GRID2: variants seen among roughly 807,000 people sequenced by gnomAD.
GRID2 encodes glutamate receptor ionotropic, delta-2.
A neutral mutation model predicts 114.8 loss-of-function variants in GRID2; 33 were observed. That is an observed-to-expected ratio of 0.29 (90% CI 0.22 to 0.38). GRID2 has a LOEUF of 0.38. Ranked by LOEUF, GRID2 falls within the 10% of genes least tolerant of loss-of-function variation. GRID2 has a pLI of 1.00. For missense variants in GRID2, 1,184 were observed against 1,257.7 expected, an observed-to-expected ratio of 0.94 and a Z score of 0.89; for synonymous variants, 505 against 449.9, an observed-to-expected ratio of 1.12 and a Z score of -1.55.
rs1316198930 is a variant in GRID2, at chr4:92,935,558, T to A, written c.245-149437T>A. On this transcript the variant is annotated intron_variant, in intron 2 of 15. Coordinates refer to ENST00000282020, the MANE Select transcript of GRID2 (RefSeq NM_001510.4). Reference sequence around the variant, plus strand: ...GGGTATATACCCAAAGGACTATAAATCATGCTGCTATAAAAACACACACAC... The same window carrying A: ...GGGTATATACCCAAAGGACTATAAAACATGCTGCTATAAAAACACACACAC... 1.4e-5 allele frequency among the ~76,000 whole-genome samples: 2 copies of A among 146,788 alleles called. 1 individual carries two copies. Among genetic ancestry groups the A allele is most frequent in the Non-Finnish European group, 3.0e-5 (2 of 66,382 alleles).
At chr4:92,972,166 T>C (rs1005070000) in intron 2 of GRID2, among the ~76,000 whole-genome samples, 2 of 151,992 alleles carry the variant, frequency 1.3e-5, no homozygotes, top group Non-Finnish European at 2.9e-5. Context: ...TTGTCAACAG[T>C]GTATAAGATT....
intron 2 of GRID2, among the ~76,000 whole-genome samples, chr4:92,882,969 T>C (rs1746127675): frequency 6.6e-6 from 1 of 152,182 alleles, no homozygotes; most frequent in African/African-American, 2.4e-5. Flanking sequence ...CTGTGGCAAT[T>C]TCTTATAATA....
intron 14 of GRID2, among the ~76,000 whole-genome samples, chr4:93,690,404 T>G (rs1231046136): frequency 6.6e-6 from 1 of 151,944 alleles, no homozygotes; most frequent in African/African-American, 2.4e-5. Flanking sequence ...TTTAAATAAT[T>G]TAAAATAACA....
rs561763778 is a variant in GRID2, at chr4:93,558,085, G to A, written c.2193+42674G>A. Among the ~76,000 whole-genome samples the A allele has an allele frequency of 3.9e-5, 6 of 152,264 alleles. No individual in the cohort carries two copies. The South Asian group carries it at 1.0e-3, about 26-fold the overall frequency. On this transcript the variant is annotated intron_variant, in intron 13 of 15. Transcript: ENST00000282020. The stretch of plus-strand genomic sequence containing the variant: ...CCAGAATACGTAGGACACAGCTAAA[G>A]CAGTGTTTAGAGGGAAATTTATAGC...
At chr4:92,707,323 C>A (rs1184039090) in intron 2 of GRID2, among the ~76,000 whole-genome samples, 2 of 152,178 alleles carry the variant, frequency 1.3e-5, no homozygotes, top group Non-Finnish European at 2.9e-5. Context: ...ATTCTGAAAA[C>A]ACTCTTGACA....
intron 1 of GRID2, among the ~76,000 whole-genome samples, chr4:92,341,673 C>A (rs1000920503): frequency 6.6e-6 from 1 of 152,012 alleles, no homozygotes; most frequent in African/African-American, 2.4e-5. Flanking sequence ...GTAATCCCAG[C>A]ACTTTGGGAG....
intron 8 of GRID2, among the ~76,000 whole-genome samples, chr4:93,297,370 G>A (rs1754419846): frequency 6.6e-6 from 1 of 151,950 alleles, no homozygotes. Context: ...ATTTTTAACT[G>A]GCATATATAT....
At chr4:93,520,390 T>C (rs889570846) in intron 13 of GRID2, among the ~76,000 whole-genome samples, 1 of 148,810 alleles carries the variant, frequency 6.7e-6, no homozygotes, top group African/African-American at 2.5e-5. Flanking sequence ...CATTGGGAGG[T>C]TGGGAAATAC....
intron 2 of GRID2, among the ~76,000 whole-genome samples, chr4:92,804,902 T>C (rs1320855781): frequency 6.6e-6 from 1 of 152,048 alleles, no homozygotes; most frequent in Non-Finnish European, 1.5e-5. Flanking sequence ...GCATTTAAGA[T>C]GAAAAATTGA....
At chr4:92,922,168 G>A (rs1034928781) in intron 2 of GRID2, among the ~76,000 whole-genome samples, 1 of 152,164 alleles carries the variant, frequency 6.6e-6, no homozygotes, top group Admixed American at 6.5e-5. Context: ...ATAATCTCGT[G>A]GTGTGCCGCT....
intron 2 of GRID2, among the ~76,000 whole-genome samples, chr4:92,705,702 A>G (rs531825618): frequency 5.3e-5 from 8 of 152,116 alleles, no homozygotes; most frequent in Middle Eastern, 3.2e-3. Context: ...CAGCTATTAC[A>G]TTTTCAATCA....
intron 2 of GRID2, among the ~76,000 whole-genome samples, chr4:92,886,688 C>G (rs1039215675): frequency 6.6e-6 from 1 of 152,100 alleles, no homozygotes; most frequent in Non-Finnish European, 1.5e-5. Context: ...CGCAGCGGAG[C>G]GATTTAGGCT....
At chr4:92,440,254 G>T (rs1483867334) in intron 1 of GRID2, among the ~76,000 whole-genome samples, 1 of 146,172 alleles carries the variant, frequency 6.8e-6, no homozygotes, top group Non-Finnish European at 1.5e-5. Context: ...AATACTAAGA[G>T]CCTGAAAAAC....
chr4:92,609,502 G>A (rs1729619970), intron 2 of GRID2, among the ~76,000 whole-genome samples: 1 of 151,430 alleles, frequency 6.6e-6, no homozygotes, highest in South Asian at 2.1e-4. Context: ...AAATAAAGTG[G>A]TCAGGAAAAT....
chr4:93,685,931 G>C (rs1033200734), intron 14 of GRID2, among the ~76,000 whole-genome samples: 1 of 152,034 alleles, frequency 6.6e-6, no homozygotes, highest in Non-Finnish European at 1.5e-5. Context: ...ACACAGGGGA[G>C]AGAGGCTGTG....
At chr4:93,297,298 A>G (rs1754411739) in intron 8 of GRID2, among the ~76,000 whole-genome samples, 1 of 152,236 alleles carries the variant, frequency 6.6e-6, no homozygotes, top group Admixed American at 6.5e-5. Flanking sequence ...AAAATTACCG[A>G]TAAGACCTTT....
rs568423072 is a variant in GRID2 at position 92,444,563 on chromosome 4, T to G, written c.88+139819T>G. ...GGTGGGGCAGGGCATATTCACTTCT[T>G]TTGTGATTCTTCAGTTACTTTAGGC... On this transcript the variant is annotated intron_variant, in intron 1 of 15. Transcript: ENST00000282020. Among the ~76,000 whole-genome samples, 4 of 152,280 alleles carry G rather than the reference T, an allele frequency of 2.6e-5. No individual in the cohort carries two copies. The East Asian group carries it at 7.7e-4, about 29-fold the overall frequency.
chr4:93,144,816 A>G (rs929229567), intron 4 of GRID2, among the ~76,000 whole-genome samples: 4 of 152,168 alleles, frequency 2.6e-5, no homozygotes, highest in African/African-American at 9.7e-5. Flanking sequence ...GTGCCCAATA[A>G]AAGTCCAAAA....
chr4:93,560,227 A>T (rs1734779248), intron 13 of GRID2, among the ~76,000 whole-genome samples: 2 of 90,210 alleles, frequency 2.2e-5, no homozygotes, highest in Non-Finnish European at 5.3e-5. Context: ...TAAAGTAAAA[A>T]AAAAAAAAAA....
Sources: allele counts gnomAD v4.1 joint callset (sites outside exome capture counted in the v4.1 genomes callset), GRCh38; gene constraint gnomAD v4.1.1; transcripts MANE v1.5; gene names NCBI Gene and HGNC (gene_info 2026-07-23, HGNC 2026-07-21).